RAB11FIP1: variants seen among roughly 807,000 people sequenced by gnomAD.
RAB11FIP1 encodes the protein rab11 family-interacting protein 1.
A neutral mutation model predicts 83.1 loss-of-function variants in RAB11FIP1; 49 were observed. That is an observed-to-expected ratio of 0.59 (90% CI 0.47 to 0.75). RAB11FIP1 has a LOEUF of 0.75. RAB11FIP1 is among the 30% of genes least tolerant of loss of function. The pLI, the probability that RAB11FIP1 is intolerant of heterozygous loss-of-function variation, is 0.00. For synonymous variants in RAB11FIP1, 670 were observed against 656.0 expected, an observed-to-expected ratio of 1.02 and a Z score of -0.33; for missense variants, 1,536 against 1,598.7, an observed-to-expected ratio of 0.96 and a Z score of 0.67.
At chr8:37,892,637 A>G (rs1806972568) in intron 1 of RAB11FIP1, among the ~76,000 whole-genome samples, 1 of 151,858 alleles carries the variant, frequency 6.6e-6, no homozygotes, top group South Asian at 2.1e-4. Context: ...AGTAGAGCCC[A>G]TGTTGGGCCA....
At chr8:37,889,816 C>T (rs1806911216) in intron 1 of RAB11FIP1, among the ~76,000 whole-genome samples, 1 of 151,348 alleles carries the variant, frequency 6.6e-6, no homozygotes, top group Admixed American at 6.6e-5. Context: ...TTCTTTGAGA[C>T]AGAGTCACCC....
rs772512785 is a variant in RAB11FIP1 at position 37,872,923 on chromosome 8, C to T, written c.1879G>A (p.Gly627Arg). The change falls in exon 4 of 6, where the codon GGA becomes AGA. Residue 627 changes from glycine (G) to arginine (R), a missense_variant. Coordinates refer to ENST00000330843, the MANE Select transcript of RAB11FIP1 (RefSeq NM_001002814.3). ...LVDRGQAKSEGPPLLPKAELQ... is the reference protein window; with the variant it reads ...LVDRGQAKSERPPLLPKAELQ... ...TCTGCCTTAGGGAGCAAGGGTGGTC[C>T]TTCAGACTTGGCCTGGCCCCTGTCT... 6.2e-7 allele frequency: 1 copy of T among 1,614,228 alleles called. No individual in the cohort carries two copies. The highest frequency in any genetic ancestry group is 2.2e-5 in the East Asian group (1 of 44,886).
chr8:37,872,087 C>G lies in RAB11FIP1; in HGVS notation c.2715G>C (p.Ala905=), dbSNP rs139048130. The G allele has an allele frequency of 1.2e-6, 2 of 1,614,090 alleles. No individual in the cohort carries two copies. Among genetic ancestry groups the G allele is most frequent in the Middle Eastern group, 1.6e-4 (1 of 6,062 alleles). The change falls in exon 4 of 6, where the codon GCG becomes GCC. Residue 905 remains alanine (A), a synonymous_variant. Transcript: ENST00000330843. ...SEVPMSEASS[A]KDTPLFRMEG... Reference sequence around the variant, plus strand: ...CCATCCTAAAGAGTGGAGTGTCTTTCGCTGAGCTTGCTTCACTCATGGGGA... The same window carrying G: ...CCATCCTAAAGAGTGGAGTGTCTTTGGCTGAGCTTGCTTCACTCATGGGGA...
intron 2 of RAB11FIP1, 29 bp from the exon 3 acceptor site, chr8:37,875,351 A>T (rs962868120): frequency 1.9e-6 from 3 of 1,551,434 alleles, no homozygotes. Flanking sequence ...CAGAAAGGGG[A>T]TAAGATGTTA....
intron 1 of RAB11FIP1, 157 bp from the exon 2 acceptor site, chr8:37,877,708 ATTTTTTT>A (rs59670170): frequency 1.3e-3 from 272 of 210,950 alleles, no homozygotes; most frequent in East Asian, 3.1e-3. Flanking sequence ...TGAGAGCAGA[ATTTTTTT>A]TTTTTTTTTT....
intron 1 of RAB11FIP1, among the ~76,000 whole-genome samples, chr8:37,883,670 A>G (rs954214197): frequency 1.3e-5 from 2 of 152,196 alleles, no homozygotes; most frequent in Non-Finnish European, 2.9e-5. Context: ...GTTACTGCCC[A>G]TGTGTTTTTC....
In RAB11FIP1 at chr8:37,862,769, G is replaced by T; in HGVS notation, c.*126C>A. On this transcript the variant is annotated 3_prime_UTR_variant, in exon 6 of 6. Transcript: ENST00000330843. ...CCATTGGTAGAATTCACTCTTGCCGGATAACATGTGAGGGAGATGGTGATT... is the reference window on the plus strand; with the variant it reads ...CCATTGGTAGAATTCACTCTTGCCGTATAACATGTGAGGGAGATGGTGATT... 1.4e-6 allele frequency: 1 copy of T among 696,330 alleles called. No individual in the cohort carries two copies. The highest frequency in any genetic ancestry group is 2.5e-6 in the Non-Finnish European group (1 of 402,690). The allele number at this position is 696,330 out of a possible 1,614,324, so 43.1% of individuals were successfully genotyped here.
intron 1 of RAB11FIP1, among the ~76,000 whole-genome samples, chr8:37,888,765 GC>G (rs893017287): frequency 3.4e-5 from 5 of 147,590 alleles, no homozygotes. Context: ...ACTGCACCCA[GC>G]CCCTCAGTGT....
At position 37,877,208 on chromosome 8, in the gene RAB11FIP1, G is replaced by T; in HGVS notation, c.715C>A (p.Pro239Thr). Residue 239 changes from proline to threonine, a missense_variant, in exon 2 of 6, where the codon CCG becomes ACG. Coordinates refer to ENST00000330843, the MANE Select transcript of RAB11FIP1 (RefSeq NM_001002814.3). ...AGCACTTTTTCTGGCTTTGAAGTCG[G>T]CAGGACAGACATGGACTGGGAAAGA... ...TPLSQSMSVL[P>T]TSKPEKVLLR... 1 of 1,614,106 alleles carries T rather than the reference G, an allele frequency of 6.2e-7. No homozygotes were observed. The highest frequency in any genetic ancestry group is 8.5e-7 in the Non-Finnish European group (1 of 1,179,960).
At chr8:37,868,238 A>G (rs1042051442) in intron 5 of RAB11FIP1, among the ~76,000 whole-genome samples, 2 of 152,132 alleles carry the variant, frequency 1.3e-5, no homozygotes, top group African/African-American at 4.8e-5. Flanking sequence ...CCTGGCTAAC[A>G]TGGCAAAACC....
chr8:37,871,392 C>T lies in RAB11FIP1; in HGVS notation c.3410G>A (p.Gly1137Asp), dbSNP rs146948160. The T allele has an allele frequency of 1.7e-5, 27 of 1,614,200 alleles. No homozygotes were observed. The highest frequency in any genetic ancestry group is 1.7e-4 in the Middle Eastern group (1 of 6,058). The change falls in exon 4 of 6, where the codon GGT becomes GAT. Residue 1137 changes from glycine (G) to aspartate (D), a missense_variant. Transcript: ENST00000330843. ...QKKATAEGSA[G>D]RVENFGKRKP... ...CCTCTTGCCAAAATTTTCAACTCTA[C>T]CAGCGGAGCCCTCTGCTGTGGCTTT... is the stretch of plus-strand genomic sequence containing the variant.
chr8:37,889,453 T>C (rs563931985), intron 1 of RAB11FIP1, among the ~76,000 whole-genome samples: 1 of 152,324 alleles, frequency 6.6e-6, no homozygotes, highest in African/African-American at 2.4e-5. Context: ...TATTCTACCA[T>C]CAAATCCAGT....
rs1322436448 is a variant in RAB11FIP1 at position 37,874,418 on chromosome 8, A to G, written c.1622+97T>C. On this transcript the variant is annotated intron_variant, in intron 3 of 5. Transcript: ENST00000330843. ...CAAACCTTTGGCATATATGGGTACTATGATATCATGGGACCCACAAGAGCT... is the reference window on the plus strand; with the variant it reads ...CAAACCTTTGGCATATATGGGTACTGTGATATCATGGGACCCACAAGAGCT... 6.4e-6 allele frequency: 6 copies of G among 937,224 alleles called. No homozygotes were observed. In the East Asian group the frequency reaches 9.6e-5, roughly 15 times the overall value. The allele number at this position is 937,224 out of a possible 1,614,324, so 58.1% of individuals were successfully genotyped here.
At chr8:37,879,714 C>T (rs561374273) in intron 1 of RAB11FIP1, among the ~76,000 whole-genome samples, 1 of 152,248 alleles carries the variant, frequency 6.6e-6, no homozygotes, top group East Asian at 1.9e-4. Flanking sequence ...GAAACCCCAT[C>T]TCTACTAAAA....
At chr8:37,864,559 G>A (rs1806304959) in intron 5 of RAB11FIP1, among the ~76,000 whole-genome samples, 1 of 152,164 alleles carries the variant, frequency 6.6e-6, no homozygotes, top group African/African-American at 2.4e-5. Flanking sequence ...AGTTCAGTCA[G>A]TGACGCAAAC....
chr8:37,874,949 C>T lies in RAB11FIP1; in HGVS notation c.1188G>A (p.Pro396=), dbSNP rs780045862. ...TGACCAGTGGGGCAGGTCGGTAGGA[C>T]GGCAGGGTCATAGACTTCAAGGAGT... ...TKDSLKSMTL[P]SYRPAPLVSG... Residue 396 remains proline (P), a synonymous_variant, in exon 3 of 6, where the codon CCG becomes CCA. Coordinates refer to ENST00000330843, the MANE Select transcript of RAB11FIP1 (RefSeq NM_001002814.3). 8.1e-6 allele frequency: 13 copies of T among 1,614,016 alleles called. No homozygotes were observed. Among genetic ancestry groups the T allele is most frequent in the Middle Eastern group, 1.6e-4 (1 of 6,084 alleles).
Position 37,871,563 on chromosome 8 carries a change from T to G in RAB11FIP1, c.3239A>C (p.Asn1080Thr). ...SGGEEEKPMG[N>T]GSPSPPPGTS... ...GCCAGGAGGCGGGCTTGGACTCCCA[T>G]TTCCCATCGGTTTTTCTTCCTCACC... is the stretch of plus-strand genomic sequence containing the variant. The change falls in exon 4 of 6, where the codon AAT (asparagine) becomes ACT (threonine). Residue 1080 changes from asparagine to threonine, a missense_variant. Coordinates refer to ENST00000330843, the MANE Select transcript of RAB11FIP1 (RefSeq NM_001002814.3). 1 of 1,599,114 alleles carries G rather than the reference T, an allele frequency of 6.3e-7. No homozygotes were observed. Among genetic ancestry groups the G allele is most frequent in the Non-Finnish European group, 8.5e-7 (1 of 1,170,704 alleles).
At chr8:37,877,610 C>T (rs1329614208) in intron 1 of RAB11FIP1, 59 bp from the exon 2 acceptor site, 2 of 1,132,910 alleles carry the variant, frequency 1.8e-6, no homozygotes, top group African/African-American at 1.5e-5. Flanking sequence ...ACAATGTTCA[C>T]AATCCCCATG....
At position 37,871,947 on chromosome 8, in the gene RAB11FIP1, A is replaced by G. The variant is rs1312407577; in HGVS notation, c.2855T>C (p.Met952Thr). 10 of 1,614,206 alleles carry G rather than the reference A, an allele frequency of 6.2e-6. No homozygotes were observed. The highest frequency in any genetic ancestry group is 8.5e-6 in the Non-Finnish European group (10 of 1,180,030). ...AGGAAGGCTTAAGTTCAGATCGGCC[A>G]TGATTGGAGATTTAAAATCTGAGAC... ...QLVSDFKSPI[M>T]ADLNLSLPSI... Residue 952 changes from methionine (M) to threonine (T), a missense_variant, in exon 4 of 6, where the codon ATG (methionine) becomes ACG (threonine). By Grantham distance (81) the Met-to-Thr change is moderately conservative. Coordinates refer to ENST00000330843, the MANE Select transcript of RAB11FIP1 (RefSeq NM_001002814.3).
Sources: gnomAD v4.1 joint callset for allele counts (sites outside exome capture counted in the v4.1 genomes callset) on GRCh38, gnomAD v4.1.1 for gene constraint, MANE v1.5 for transcripts, NCBI Gene and HGNC (gene_info 2026-07-23, HGNC 2026-07-21) for gene names.